FNIP2: variants seen among roughly 807,000 people sequenced by gnomAD.
FNIP2 encodes folliculin-interacting protein 2.
A neutral mutation model predicts 108.7 loss-of-function variants in FNIP2; 32 were observed. The ratio of observed to expected loss-of-function variants is 0.29; its 90% confidence interval spans 0.22 to 0.40. The LOEUF (loss-of-function observed/expected upper bound fraction) is 0.40. FNIP2 is among the 10% of genes least tolerant of loss of function. The probability of loss-of-function intolerance (pLI) is 1.00; values close to 1 mark genes in which losing one functional copy is unlikely to be tolerated. For synonymous variants in FNIP2, 480 were observed against 496.7 expected, an observed-to-expected ratio of 0.97 and a Z score of 0.45; for missense variants, 1,202 against 1,381.6, an observed-to-expected ratio of 0.87 and a Z score of 2.06.
At chr4:158,856,429 A>G (rs578169007) in intron 8 of FNIP2, among the ~76,000 whole-genome samples, 2 of 152,360 alleles carry the variant, frequency 1.3e-5, no homozygotes, top group African/African-American at 4.8e-5. Context: ...CTTACAATGT[A>G]TATAAATGAT....
intron 14 of FNIP2, among the ~76,000 whole-genome samples, chr4:158,881,374 A>C (rs1354843343): frequency 1.2e-4 from 11 of 90,236 alleles, no homozygotes; most frequent in Non-Finnish European, 1.3e-4. Context: ...CTCTCTTTCC[A>C]CGGTCTCCCT....
chr4:158,777,082 T>C (rs903650091), intron 1 of FNIP2, among the ~76,000 whole-genome samples: 1 of 152,182 alleles, frequency 6.6e-6, no homozygotes, highest in East Asian at 1.9e-4. Flanking sequence ...CTAAGTAATA[T>C]ATCAGAGATC....
intron 7 of FNIP2, among the ~76,000 whole-genome samples, chr4:158,840,313 G>A (rs1779053009): frequency 6.6e-6 from 1 of 152,198 alleles, no homozygotes; most frequent in African/African-American, 2.4e-5. Flanking sequence ...ATGTTCTCCA[G>A]TTGTGCATAG....
At chr4:158,885,088 A>C (rs1371366279) in intron 14 of FNIP2, among the ~76,000 whole-genome samples, 1 of 152,068 alleles carries the variant, frequency 6.6e-6, no homozygotes, top group Non-Finnish European at 1.5e-5. Context: ...CCTGGGAAGC[A>C]GAGGTTGCAG....
chr4:158,865,336 CA>C (rs991597593), intron 12 of FNIP2, among the ~76,000 whole-genome samples: 1 of 150,802 alleles, frequency 6.6e-6, no homozygotes, highest in African/African-American at 2.4e-5. Context: ...ATCCAAGACT[CA>C]AAAAAAAATT....
intron 1 of FNIP2, among the ~76,000 whole-genome samples, chr4:158,787,288 A>C (rs1209657905): frequency 1.3e-5 from 2 of 152,258 alleles, no homozygotes; most frequent in Non-Finnish European, 2.9e-5. Flanking sequence ...GTTGGGAATT[A>C]CATGTTGTAC....
Position 158,833,509 on chromosome 4 carries a change from C to T in FNIP2, c.555-19C>T. The T allele has an allele frequency of 6.6e-7, 1 of 1,513,142 alleles. No homozygotes were observed. Among genetic ancestry groups the T allele is most frequent in the South Asian group, 1.2e-5 (1 of 80,210 alleles). The allele number at this position is 1,513,142 out of a possible 1,614,324, so 93.7% of individuals were successfully genotyped here. A position where few individuals can be genotyped will look rare whatever the true frequency, so the allele number is the denominator to read the frequency against. ...GTTTTTGTCCTCTTTCTCCTTTTCC[C>T]CCCCATCTCCGGATATAGCTTGCAA... On this transcript the variant is annotated intron_variant, in intron 5 of 16. Transcript: ENST00000264433.
chr4:158,871,943 A>G, intron 14 of FNIP2: 1 of 984,644 alleles, frequency 1.0e-6, no homozygotes, highest in Non-Finnish European at 1.2e-6. Flanking sequence ...TGCCTATAAC[A>G]TTAAGGCACC....
chr4:158,853,530 C>T (rs751843495), intron 8 of FNIP2, among the ~76,000 whole-genome samples: 3 of 152,158 alleles, frequency 2.0e-5, no homozygotes, highest in Non-Finnish European at 2.9e-5. Flanking sequence ...TCCCCCATCC[C>T]CCTACCCCAC....
Position 158,868,671 on chromosome 4 carries a change from C to T in FNIP2, c.2035C>T (p.Gln679Ter). The stretch of plus-strand genomic sequence containing the variant: ...TTTGGGGGCAGGAATGAAGATGGAC[C>T]AGCAAGCTGTCTGTGAGCTGTTGAA... ...EVLGAGMKMD[Q>*]QAVCELLKVE... The change falls in exon 13 of 17, where the codon CAG (glutamine) becomes TAG (stop). Residue 679 changes from glutamine to a stop codon, truncating the protein, a stop_gained. Coordinates refer to ENST00000264433, the MANE Select transcript of FNIP2 (RefSeq NM_020840.3). LOFTEE classifies it high-confidence loss of function. The surrounding 1 kb of genome is among the most constrained non-coding windows in gnomAD (Gnocchi z 4.6). 6.2e-7 allele frequency: 1 copy of T among 1,614,010 alleles called. No individual in the cohort carries two copies. The highest frequency in any genetic ancestry group is 8.5e-7 in the Non-Finnish European group (1 of 1,179,896).
At chr4:158,895,144 A>G (rs1438073158) in intron 15 of FNIP2, among the ~76,000 whole-genome samples, 1 of 152,206 alleles carries the variant, frequency 6.6e-6, no homozygotes, top group Admixed American at 6.5e-5. Context: ...TGTCCTGAAA[A>G]TAATTGCCTT....
chr4:158,885,131 G>C (rs919810908), intron 14 of FNIP2, among the ~76,000 whole-genome samples: 7 of 152,122 alleles, frequency 4.6e-5, no homozygotes, highest in Admixed American at 2.6e-4. Context: ...ACTCCAGCCT[G>C]GGCAACAGAG....
chr4:158,809,917 TTGTC>T (rs1281031070), intron 1 of FNIP2, among the ~76,000 whole-genome samples: 2 of 152,230 alleles, frequency 1.3e-5, no homozygotes, highest in East Asian at 1.9e-4. Flanking sequence ...AGTCCTTAGA[TTGTC>T]TGTGGTAGTT....
rs1340465459 is a variant in FNIP2, at chr4:158,870,337, T to G, written c.2817T>G (p.Asn939Lys). Reference sequence around the variant, plus strand: ...GGTCTCAGAGCATCAGCACCCAGAATGTAAGGAACTTTGGCCGCTCACTTC... The same window carrying G: ...GGTCTCAGAGCATCAGCACCCAGAAGGTAAGGAACTTTGGCCGCTCACTTC... ...LPRSQSISTQNVRNFGRSLLA... is the reference protein window; with the variant it reads ...LPRSQSISTQKVRNFGRSLLA... Residue 939 changes from asparagine to lysine, a missense_variant, in exon 14 of 17, where the codon AAT (asparagine) becomes AAG (lysine). Asn to Lys is a moderately conservative substitution (Grantham distance 94, BLOSUM62 0). This residue lies in a region of FNIP2 where 878 missense variants were observed against 990.3 expected (regional missense o/e 0.89). Coordinates refer to ENST00000264433, the MANE Select transcript of FNIP2 (RefSeq NM_020840.3). 1.2e-6 allele frequency: 2 copies of G among 1,613,944 alleles called. No homozygotes were observed. Among genetic ancestry groups the G allele is most frequent in the Non-Finnish European group, 1.7e-6 (2 of 1,179,794 alleles).
intron 1 of FNIP2, among the ~76,000 whole-genome samples, chr4:158,774,207 C>A (rs1031423262): frequency 6.6e-6 from 1 of 152,058 alleles, no homozygotes; most frequent in Non-Finnish European, 1.5e-5. Context: ...TATGCATGTG[C>A]AGAATAGGCC....
intron 16 of FNIP2, among the ~76,000 whole-genome samples, chr4:158,903,380 G>A (rs909358231): frequency 7.2e-5 from 11 of 152,126 alleles, no homozygotes; most frequent in East Asian, 1.9e-4. Flanking sequence ...CACCTTCTGC[G>A]TCGATCTTGC....
At chr4:158,806,256 C>T (rs761682690) in intron 1 of FNIP2, 50 of 1,289,140 alleles carry the variant, frequency 3.9e-5, no homozygotes, top group Admixed American at 9.2e-5. Context: ...AGATGTGCGG[C>T]GGCACAGCGA....
intron 1 of FNIP2, among the ~76,000 whole-genome samples, chr4:158,788,116 T>A (rs1449064153): frequency 1.3e-5 from 2 of 152,318 alleles, no homozygotes; most frequent in East Asian, 3.9e-4. Context: ...TTTTTCTCTT[T>A]GGTATGTTGG....
At chr4:158,878,370 C>T (rs982614193) in intron 14 of FNIP2, among the ~76,000 whole-genome samples, 49 of 152,150 alleles carry the variant, frequency 3.2e-4, no homozygotes, top group African/African-American at 9.7e-4. Context: ...AATCACCAGA[C>T]ATAAGCAGTG....
Sources: gnomAD v4.1 joint callset for allele counts (sites outside exome capture counted in the v4.1 genomes callset) on GRCh38, gnomAD v4.1.1 for gene constraint, gnomAD v4.1.1 regional missense constraint, Gnocchi (gnomAD v3.1) non-coding constraint, MANE v1.5 for transcripts, NCBI Gene and HGNC (gene_info 2026-07-23, HGNC 2026-07-21) for gene names.